The following PYGM variants were observed in gnomAD, a reference collection of about 807,000 sequenced individuals.
PYGM encodes glycogen phosphorylase, muscle form.
In PYGM, 81 loss-of-function variants were observed where a neutral mutation model predicts 99.3. That is an observed-to-expected ratio of 0.82 (90% CI 0.68 to 0.98). The LOEUF (loss-of-function observed/expected upper bound fraction) is 0.98. Ranked by LOEUF, PYGM falls within the 50% of genes least tolerant of loss-of-function variation. The probability of loss-of-function intolerance (pLI) is 0.00; values close to 1 mark genes in which losing one functional copy is unlikely to be tolerated. For synonymous variants in PYGM, 436 were observed against 451.5 expected (o/e 0.97, Z 0.44); for missense variants, 1,030 against 1,158.1 (o/e 0.89, Z 1.61).
chr11:64,760,140 T>C (rs2058425384), upstream of PYGM: 1 of 583,068 alleles, frequency 1.7e-6, no homozygotes, highest in Admixed American at 3.1e-5. Context: ...CCGCCAAGAC[T>C]GGCCTGGCTT....
rs1241055622 is a variant in PYGM at position 64,750,550 on chromosome 11, G to A, written c.2003C>T (p.Ser668Phe). 6.2e-7 allele frequency: 1 copy of A among 1,613,686 alleles called. No homozygotes were observed. Among genetic ancestry groups the A allele is most frequent in the African/African-American group, 1.3e-5 (1 of 74,764 alleles). The change falls in exon 17 of 20, where the codon TCC becomes TTC. Residue 668 changes from serine (S) to phenylalanine (F), a missense_variant. Physicochemically the swap from Ser to Phe is radical, Grantham distance 155. Coordinates refer to ENST00000164139, the MANE Select transcript of PYGM (RefSeq NM_005609.4). ...IPAADLSEQI[S>F]TAGTEASGTG... ...GCCTGAGGCTTCAGTGCCCGCAGTG[G>A]AGATCTGCTCAGAGAGGTCTGCAGC...
chr11:64,751,116 T>A, intron 16 of PYGM: 1 of 643,652 alleles, frequency 1.6e-6, no homozygotes, highest in South Asian at 1.8e-5. Flanking sequence ...GGTCTCGAAC[T>A]CCTGACCTCA....
upstream of PYGM, chr11:64,760,039 AATGGGAGGGT>A: frequency 7.7e-7 from 1 of 1,298,252 alleles, no homozygotes; most frequent in Non-Finnish European, 1.0e-6. Context: ...CCTCCCCTGC[AATGGGAGGGT>A]CTTGGCCTGG....
At chr11:64,759,273 C>T (rs1182116017) in intron 1 of PYGM, among the ~76,000 whole-genome samples, 2 of 152,120 alleles carry the variant, frequency 1.3e-5, no homozygotes, top group Non-Finnish European at 2.9e-5. Context: ...AGTGACCCCA[C>T]CGGACACTTG....
chr11:64,758,070 G>A (rs1293976787), intron 4 of PYGM, among the ~76,000 whole-genome samples, 160 bp from the exon 5 acceptor site: 1 of 151,986 alleles, frequency 6.6e-6, no homozygotes, highest in Non-Finnish European at 1.5e-5. Context: ...TATCGAGTGG[G>A]ACACGGACCA....
rs368964406 is a variant in PYGM at position 64,751,332 on chromosome 11, G to A, written c.1962C>T (p.Ala654=). Residue 654 remains alanine (A), a synonymous_variant, in exon 16 of 20, where the codon GCC becomes GCT. Coordinates refer to ENST00000164139, the MANE Select transcript of PYGM (RefSeq NM_005609.4). ...CCTGTTGGCAGCACCCACCTTTCTC[G>A]GCCAGTGAGACTCGGTAGTTCTCCA... is the stretch of plus-strand genomic sequence containing the variant. ...IFLENYRVSL[A]EKVIPAADLS... 9.3e-6 allele frequency: 15 copies of A among 1,614,116 alleles called. No homozygotes were observed. The highest frequency in any genetic ancestry group is 8.9e-5 in the East Asian group (4 of 44,894).
chr11:64,749,986 G>T (rs2058342770), intron 17 of PYGM, among the ~76,000 whole-genome samples: 2 of 152,032 alleles, frequency 1.3e-5, no homozygotes, highest in Non-Finnish European at 2.9e-5. Context: ...TAGAGATGGG[G>T]TTTCACCGTG....
chr11:64,750,511 T>A lies in PYGM; in HGVS notation c.2042A>T (p.Lys681Met). The A allele has an allele frequency of 6.2e-7, 1 of 1,614,188 alleles. No homozygotes were observed. The highest frequency in any genetic ancestry group is 1.3e-5 in the African/African-American group (1 of 75,044). ...GTEASGTGNM[K>M]FMLNGALTIG... is the part of the protein sequence containing the mutation. Reference sequence around the variant, plus strand: ...GGTCAGAGCCCCGTTGAGCATGAACTTCATGTTGCCGGTGCCTGAGGCTTC... The same window carrying A: ...GGTCAGAGCCCCGTTGAGCATGAACATCATGTTGCCGGTGCCTGAGGCTTC... The change falls in exon 17 of 20, where the codon AAG becomes ATG. Residue 681 changes from lysine to methionine, a missense_variant. Physicochemically the swap from Lys to Met is moderately conservative, Grantham distance 95. Transcript: ENST00000164139.
chr11:64,746,454 A>G lies in PYGM; in HGVS notation c.*205T>C. 1 of 663,662 alleles carries G rather than the reference A, an allele frequency of 1.5e-6. No homozygotes were observed. 41.1% of individuals were successfully genotyped at this position (663,662 alleles called of 1,614,324 possible). ...GTGCAGTTGGTCAGACCCCATAAAT[A>G]GGAGGGGACCGGGAGCCCGAGGACG... is the stretch of plus-strand genomic sequence containing the variant. On this transcript the variant is annotated 3_prime_UTR_variant, in exon 20 of 20. Coordinates refer to ENST00000164139, the MANE Select transcript of PYGM (RefSeq NM_005609.4).
chr11:64,760,434 G>A (rs1300607779), upstream of PYGM: 1 of 173,646 alleles, frequency 5.8e-6, no homozygotes, highest in Non-Finnish European at 1.3e-5. Flanking sequence ...CCACGACCCT[G>A]CATTGCAGGG....
chr11:64,752,255 G>T, intron 13 of PYGM, 148 bp downstream of exon 13: 1 of 1,264,512 alleles, frequency 7.9e-7, no homozygotes. Flanking sequence ...GTCAGATGAT[G>T]CCTTCCCACC....
chr11:64,747,075 G>C (rs956428576), intron 18 of PYGM, 88 bp from the exon 19 acceptor site: 1 of 1,573,308 alleles, frequency 6.4e-7, no homozygotes, highest in Admixed American at 1.7e-5. Flanking sequence ...CCCTGTCCCA[G>C]TGGACAGCCG....
Position 64,758,706 on chromosome 11 carries a change from T to C in PYGM, c.244-2A>G. On this transcript the variant is annotated splice_acceptor_variant, in intron 1 of 19. Coordinates refer to ENST00000164139, the MANE Select transcript of PYGM (RefSeq NM_005609.4). LOFTEE classifies it high-confidence loss of function. ...CTCTAAAGACAGGTAGTAGATCCTC[T>C]GCCCAGAGAGACGGATGGGCAGGGA... is the stretch of plus-strand genomic sequence containing the variant. 1 of 1,596,890 alleles carries C rather than the reference T, an allele frequency of 6.3e-7. No individual in the cohort carries two copies. The highest frequency in any genetic ancestry group is 8.6e-7 in the Non-Finnish European group (1 of 1,164,508).
In PYGM at chr11:64,753,640, G is replaced by T. The variant is rs750700202; in HGVS notation, c.1282C>A (p.Arg428Ser). The change falls in exon 11 of 20, where the codon CGC becomes AGC. Residue 428 changes from arginine to serine, a missense_variant. Transcript: ENST00000164139. ...GCGCCCTCCTCCACCAGCGACATGC[G>T]CCGCAGCCGGTCTACGTCCCCTGGG... is the stretch of plus-strand genomic sequence containing the variant. The part of the protein sequence containing the change: ...AFPGDVDRLR[R>S]MSLVEEGAVK... 7 of 1,608,344 alleles carry T rather than the reference G, an allele frequency of 4.4e-6. No homozygotes were observed. The highest frequency in any genetic ancestry group is 5.9e-6 in the Non-Finnish European group (7 of 1,179,312).
In PYGM at chr11:64,751,633, C is replaced by T. The variant is rs1392210978; in HGVS notation, c.1791G>A (p.Lys597=). 6.2e-7 allele frequency: 1 copy of T among 1,614,020 alleles called. No homozygotes were observed. Among genetic ancestry groups the T allele is most frequent in the South Asian group, 1.1e-5 (1 of 91,092 alleles). The change falls in exon 15 of 20, where the codon AAG becomes AAA. Residue 597 remains lysine (K), a synonymous_variant. Transcript: ENST00000164139. ...LYNRIKREPN[K]FFVPRTVMIG... is the part of the protein sequence containing the mutation. ...TCATCACAGTCCGAGGCACAAAAAACTTATTGGGCTCCCTCTTGATGCCTG... is the reference window on the plus strand; with the variant it reads ...TCATCACAGTCCGAGGCACAAAAAATTTATTGGGCTCCCTCTTGATGCCTG...
At chr11:64,750,338 C>T (rs1293279298) in intron 17 of PYGM, 38 bp downstream of exon 17, 4 of 1,610,928 alleles carry the variant, frequency 2.5e-6, no homozygotes, top group South Asian at 2.2e-5. Context: ...AGCAGCCACA[C>T]CTGGGTGTCT....
Position 64,754,721 on chromosome 11 carries a change from C to T in PYGM, c.971G>A (p.Arg324His), listed in dbSNP as rs139645637. 13 of 1,613,542 alleles carry T rather than the reference C, an allele frequency of 8.1e-6. No homozygotes were observed. Among genetic ancestry groups the T allele is most frequent in the African/African-American group, 2.7e-5 (2 of 74,880 alleles). ...ATCTGGGAAGGCATCGAAGTTCGTG[C>T]GCACGGGATCACGGCAGCCGAACTT... ...SSKFGCRDPV[R>H]TNFDAFPDKV... is the part of the protein sequence containing the mutation. Residue 324 changes from arginine (R) to histidine (H), a missense_variant, in exon 8 of 20, where the codon CGC becomes CAC. By Grantham distance (29) the Arg-to-His change is conservative (BLOSUM62 0). Transcript: ENST00000164139. This position sits in a 1 kb window ranked among gnomAD's most constrained non-coding sequence, Gnocchi z 5.5.
chr11:64,746,736 T>C lies in PYGM; in HGVS notation c.2452A>G (p.Ile818Val), dbSNP rs1375221207. The change falls in exon 20 of 20, where the codon ATT (isoleucine) becomes GTT (valine). Residue 818 changes from isoleucine (I) to valine (V), a missense_variant. Coordinates refer to ENST00000164139, the MANE Select transcript of PYGM (RefSeq NM_005609.4). ...TSGKFSSDRTIAQYAREIWGV... is the reference protein window; with the variant it reads ...TSGKFSSDRTVAQYAREIWGV... ...CAGATCTCCCGGGCATACTGGGCAATGGTGCGGTCACTGGAGAACTTGCCA... is the reference window on the plus strand; with the variant it reads ...CAGATCTCCCGGGCATACTGGGCAACGGTGCGGTCACTGGAGAACTTGCCA... 1 of 1,614,142 alleles carries C rather than the reference T, an allele frequency of 6.2e-7. No individual in the cohort carries two copies. Among genetic ancestry groups the C allele is most frequent in the Admixed American group, 1.7e-5 (1 of 60,014 alleles).
At chr11:64,747,602 A>G (rs2058323960) in intron 17 of PYGM, 1 of 540,366 alleles carries the variant, frequency 1.9e-6, no homozygotes, top group South Asian at 2.0e-5. Context: ...GTTAGAGCCA[A>G]GGCCCCCAAA....
Sources: allele counts gnomAD v4.1 joint callset (sites outside exome capture counted in the v4.1 genomes callset), GRCh38; gene constraint gnomAD v4.1.1; non-coding constraint Gnocchi (gnomAD v3.1); transcripts MANE v1.5; gene names NCBI Gene and HGNC (gene_info 2026-07-23, HGNC 2026-07-21).